LTF: variants seen among roughly 807,000 people sequenced by gnomAD.
LTF encodes epididymis luminal protein 110.
Under a neutral mutation model 87.2 loss-of-function variants are expected in LTF, and 91 were observed. The ratio of observed to expected loss-of-function variants is 1.04; its 90% CI spans 0.88 to 1.24. LTF has a LOEUF of 1.24. Among genes scored for constraint, LTF ranks in the 50% most tolerant of loss-of-function variants. The pLI is 0.00. For synonymous variants in LTF, 378 were observed against 356.1 expected, an observed-to-expected ratio of 1.06 and a Z score of -0.69; for missense variants, 901 against 904.3, an observed-to-expected ratio of 1.00 and a Z score of 0.05.
chr3:46,472,527 T>TGA (rs374266932), intron 1 of LTF, among the ~76,000 whole-genome samples: 152 of 130,820 alleles, frequency 1.2e-3, no homozygotes, highest in East Asian at 7.9e-3. Context: ...TGTGTGTGTG[T>TGA]GAGAGAGAGA....
chr3:46,455,509 C>T lies in LTF; in HGVS notation c.500-67G>A. The T allele has an allele frequency of 2.5e-6, 4 of 1,587,936 alleles. No homozygotes were observed. In the South Asian group the frequency reaches 3.4e-5, roughly 13 times the overall value. On this transcript the variant is annotated intron_variant, in intron 4 of 16. Coordinates refer to ENST00000231751, the MANE Select transcript of LTF (RefSeq NM_002343.6). ...CCTGGTCACAGCAGGTTACACCTCCCATCCTGAGGTCTCCGTGGGCAAGGC... is the reference window on the plus strand; with the variant it reads ...CCTGGTCACAGCAGGTTACACCTCCTATCCTGAGGTCTCCGTGGGCAAGGC...
At chr3:46,476,606 T>C (rs1703362041) in intron 1 of LTF, among the ~76,000 whole-genome samples, 2 of 152,204 alleles carry the variant, frequency 1.3e-5, no homozygotes, top group African/African-American at 4.8e-5. Flanking sequence ...ATGTAGAGTT[T>C]GATGAATTTT....
rs139100229 is a variant in LTF at position 46,450,660 on chromosome 3, G to A, written c.717C>T (p.Asp239=). 2.5e-4 allele frequency: 395 copies of A among 1,611,150 alleles called. No individual in the cohort carries two copies. Among genetic ancestry groups the A allele is most frequent in the Middle Eastern group, 1.2e-3 (7 of 6,054 alleles). ...RESTVFEDLS[D]EAERDEYELL... ...ACTCATACTCGTCCCTTTCAGCCTC[G>A]TCTGACAGGTCCTCTGCAGGGAAGG... Residue 239 remains aspartate (D), a synonymous_variant, in exon 7 of 17, where the codon GAC becomes GAT. Transcript: ENST00000231751.
intron 1 of LTF, among the ~76,000 whole-genome samples, chr3:46,480,585 G>C (rs1295252178): frequency 6.6e-6 from 1 of 152,170 alleles, no homozygotes; most frequent in Non-Finnish European, 1.5e-5. Flanking sequence ...AAACCTGCTT[G>C]TGGTCAATTG....
chr3:46,449,772 T>A, intron 8 of LTF, 82 bp downstream of exon 8: 1 of 1,446,668 alleles, frequency 6.9e-7, no homozygotes, highest in South Asian at 1.2e-5. Flanking sequence ...GGAAAAGGAG[T>A]GACCGCCACA....
chr3:46,438,636 C>G (rs1183036468), intron 15 of LTF, among the ~76,000 whole-genome samples: 1 of 152,290 alleles, frequency 6.6e-6, no homozygotes, highest in African/African-American at 2.4e-5. Context: ...AGACCCAAAC[C>G]CCTCAGTCAC....
In LTF at chr3:46,455,980, T is replaced by C; in HGVS notation, c.317-2A>G. ...CGGCATAATAGTGAGTTCGTGGCTC[T>C]GCAAAGGGGCAGACAGAATTGAAAG... On this transcript the variant is annotated splice_acceptor_variant, in intron 3 of 16. Transcript: ENST00000231751. LOFTEE classifies it high-confidence loss of function. 3.2e-6 allele frequency: 5 copies of C among 1,571,350 alleles called. No individual in the cohort carries two copies. The highest frequency in any genetic ancestry group is 1.2e-5 in the South Asian group (1 of 84,342).
chr3:46,447,252 T>C (rs1208828762), intron 10 of LTF, 56 bp downstream of exon 10: 6 of 1,268,502 alleles, frequency 4.7e-6, no homozygotes, highest in South Asian at 1.2e-5. Context: ...GGATTACTCA[T>C]AGCCCCACTC....
At position 46,441,477 on chromosome 3, in the gene LTF, C is replaced by G. The variant is rs372826989; in HGVS notation, c.1662G>C (p.Leu554=). The G allele has an allele frequency of 1.6e-4, 255 of 1,613,050 alleles. No individual in the cohort carries two copies. Among genetic ancestry groups the G allele is most frequent in the Non-Finnish European group, 2.1e-4 (250 of 1,179,422 alleles). ...YYGYTGAFRC[L]AENAGDVAFV... is the part of the protein sequence containing the mutation. ...ATGCAACGTCTCCAGCATTCTCAGC[C>G]AGGCACCTAAAATGTTCCAGAAAAT... Residue 554 remains leucine, a synonymous_variant, in exon 14 of 17, where the codon CTG becomes CTC. Transcript: ENST00000231751.
At chr3:46,482,521 AAGGGAAGGGAAGGGAAGGGAAG>A (rs1703446719) in intron 1 of LTF, among the ~76,000 whole-genome samples, 1 of 73,902 alleles carries the variant, frequency 1.4e-5, no homozygotes, top group African/African-American at 6.1e-5. Flanking sequence ...AAGGGAAGGG[AAGGGAAGGGAAGGGAAGGGAAG>A]GGAAGGGAAG....
intron 1 of LTF, among the ~76,000 whole-genome samples, chr3:46,472,929 G>A (rs931938255): frequency 2.6e-5 from 4 of 152,168 alleles, no homozygotes; most frequent in Non-Finnish European, 4.4e-5. Flanking sequence ...CTGGCAAGGC[G>A]GGGGCCAGAC....
intron 1 of LTF, among the ~76,000 whole-genome samples, chr3:46,471,097 A>T (rs1394478848): frequency 6.6e-6 from 1 of 152,124 alleles, no homozygotes; most frequent in African/African-American, 2.4e-5. Context: ...GACAGTGTTG[A>T]CAGAGGCTGC....
intron 16 of LTF, 99 bp from the exon 17 acceptor site, chr3:46,436,328 TGCCC>T: frequency 9.9e-6 from 11 of 1,106,638 alleles, no homozygotes; most frequent in Non-Finnish European, 1.4e-5. Context: ...GAGTTTTCTC[TGCCC>T]TTCTCCCATC....
At chr3:46,482,578 AG>A (rs71619647) in intron 1 of LTF, among the ~76,000 whole-genome samples, 6,878 of 123,616 alleles carry the variant, frequency 0.056, 2,038 homozygotes, top group East Asian at 0.097. Context: ...GGGAAAGGAA[AG>A]GAAGGGAGAA....
At chr3:46,479,145 G>A (rs534393489) in intron 1 of LTF, among the ~76,000 whole-genome samples, 9 of 152,360 alleles carry the variant, frequency 5.9e-5, no homozygotes, top group Admixed American at 4.6e-4. Flanking sequence ...GGAGAACCAC[G>A]CCTGTGCCCA....
intron 14 of LTF, 143 bp downstream of exon 14, chr3:46,441,273 T>C (rs963442567): frequency 1.3e-5 from 8 of 629,876 alleles, no homozygotes; most frequent in East Asian, 8.5e-5. Context: ...ATGTTGTCTA[T>C]TGAGATAAAG....
At chr3:46,467,535 T>C (rs1703231175), upstream of LTF, among the ~76,000 whole-genome samples, 1 of 151,908 alleles carries the variant, frequency 6.6e-6, no homozygotes, top group Non-Finnish European at 1.5e-5. Context: ...ACCAAACAAG[T>C]AAAGGCTTGG....
rs1703301666 is a variant in LTF at position 46,472,329 on chromosome 3, TC to T, written c.-319-1864del. Among the ~76,000 whole-genome samples, 4 of 152,036 alleles carry T rather than the reference TC, an allele frequency of 2.6e-5. No homozygotes were observed. In the South Asian group the frequency reaches 8.3e-4, roughly 32 times the overall value. ...CTCTCGGGGGCATCCTGTCCACTCA[TC>T]CTTAGCCTCCTGTGTGCTACTGTTG... On this transcript the variant is annotated intron_variant, in intron 1 of 19. Coordinates refer to the LTF transcript ENST00000443496.
At chr3:46,460,412 G>C (rs145115371) in intron 1 of LTF, among the ~76,000 whole-genome samples, 6 of 152,332 alleles carry the variant, frequency 3.9e-5, no homozygotes, top group Admixed American at 1.3e-4. Flanking sequence ...CAGTTGGTTG[G>C]TGTGCCTGAG....
Sources: allele counts gnomAD v4.1 joint callset (sites outside exome capture counted in the v4.1 genomes callset), GRCh38; gene constraint gnomAD v4.1.1; transcripts MANE v1.5; gene names NCBI Gene and HGNC (gene_info 2026-07-23, HGNC 2026-07-21).